Variants in STARD13 observed in about 807,000 individuals in gnomAD.
The protein encoded by STARD13 is StAR related lipid transfer domain containing 13, also known as stAR-related lipid transfer protein 13.
A neutral mutation model predicts 106.4 loss-of-function variants in STARD13; 62 were observed. That is an observed-to-expected ratio of 0.58 (90% confidence interval 0.48 to 0.72). The LOEUF (loss-of-function observed/expected upper bound fraction) is 0.72. Ranked by LOEUF, STARD13 falls within the 30% of genes least tolerant of loss-of-function variation. STARD13 has a pLI of 0.00. For missense variants in STARD13, 1,387 were observed against 1,424.0 expected (o/e 0.97, Z 0.42); for synonymous variants, 565 against 553.0 (o/e 1.02, Z -0.31).
intron 1 of STARD13, among the ~76,000 whole-genome samples, chr13:33,232,778 G>A (rs1888988326): frequency 6.6e-6 from 1 of 152,136 alleles, no homozygotes; most frequent in Admixed American, 6.5e-5. Flanking sequence ...TCACTCAAGG[G>A]AATGAAACTC....
chr13:33,336,092 C>T (rs984177854), intron 1 of STARD13: 1 of 152,198 alleles, frequency 6.6e-6, no homozygotes, highest in Non-Finnish European at 1.5e-5. Context: ...ATTACCCTTT[C>T]CCTGGATGAG....
the STARD13 span, among the ~76,000 whole-genome samples, chr13:33,453,743 A>G: frequency 6.6e-6 from 1 of 152,224 alleles, no homozygotes; most frequent in South Asian, 2.1e-4. Context: ...AAGAAGATAA[A>G]AACATTCTCC....
intron 1 of STARD13, among the ~76,000 whole-genome samples, chr13:33,302,459 A>G (rs895755061): frequency 6.6e-6 from 1 of 152,182 alleles, no homozygotes; most frequent in East Asian, 1.9e-4. Context: ...TCTGTTGCCC[A>G]GAATGGAGTG....
At chr13:33,406,535 C>A in the STARD13 span, among the ~76,000 whole-genome samples, 3 of 152,120 alleles carry the variant, frequency 2.0e-5, no homozygotes, top group African/African-American at 4.8e-5. Flanking sequence ...TTTAAGGATG[C>A]CTCGTTTAAT....
Position 33,349,251 on chromosome 13 carries a change from C to T in STARD13, c.125-35G>A, listed in dbSNP as rs80268436. On this transcript the variant is annotated intron_variant, in intron 1 of 1. Coordinates refer to the STARD13 transcript ENST00000439831. The stretch of plus-strand genomic sequence containing the variant: ...ACACAGAGGCAACAAGGTCCAGAGA[C>T]TTGCCTCAGGGTCACCTCAGGGGCC... The T allele has an allele frequency of 1.2e-3, 829 of 702,276 alleles. 1 individual carries two copies. The African/African-American group carries it at 0.012, about 10-fold the overall frequency. The allele number at this position is 702,276 out of a possible 1,614,324, so 43.5% of individuals were successfully genotyped here. A position where few individuals can be genotyped will look rare whatever the true frequency, so the allele number is the denominator to read the frequency against.
the STARD13 span, among the ~76,000 whole-genome samples, chr13:33,405,228 G>T: frequency 8.5e-5 from 13 of 152,238 alleles, no homozygotes; most frequent in Non-Finnish European, 1.9e-4. Flanking sequence ...CCTTGGGAAG[G>T]GTGAGCCAGA....
the STARD13 span, among the ~76,000 whole-genome samples, chr13:33,520,653 G>C: frequency 6.6e-6 from 1 of 151,972 alleles, no homozygotes; most frequent in Non-Finnish European, 1.5e-5. Flanking sequence ...AGCTGCTGTC[G>C]TGAGGATTTG....
At chr13:33,421,881 G>A in the STARD13 span, among the ~76,000 whole-genome samples, 114 of 152,194 alleles carry the variant, frequency 7.5e-4, 2 homozygotes, top group East Asian at 0.014. Flanking sequence ...AAAGGCCTTC[G>A]ACAAAATTCA....
chr13:33,112,001 C>T (rs1874653617), intron 9 of STARD13, 109 bp from the exon 10 acceptor site: 5 of 651,932 alleles, frequency 7.7e-6, no homozygotes, highest in Middle Eastern at 5.0e-4. Context: ...ATCCAGATCC[C>T]AGGCTTTTGC....
intron 4 of STARD13, chr13:33,138,901 C>A: frequency 4.3e-6 from 2 of 465,676 alleles, no homozygotes; most frequent in East Asian, 6.3e-5. Flanking sequence ...GGGAGGGTAG[C>A]GGTGTTGTCA....
chr13:33,592,118 A>G, the STARD13 span, among the ~76,000 whole-genome samples: 1 of 152,158 alleles, frequency 6.6e-6, no homozygotes, highest in South Asian at 2.1e-4. Context: ...TCAAAACGCA[A>G]TTAGAATTAG....
At chr13:33,428,653 A>C in the STARD13 span, among the ~76,000 whole-genome samples, 1 of 152,186 alleles carries the variant, frequency 6.6e-6, no homozygotes. Flanking sequence ...TTTATCAAAA[A>C]AACAGGCAAC....
intron 1 of STARD13, among the ~76,000 whole-genome samples, chr13:33,221,521 C>T (rs1483728217): frequency 6.6e-6 from 1 of 152,152 alleles, no homozygotes; most frequent in Non-Finnish European, 1.5e-5. Flanking sequence ...CCTCTTCCCT[C>T]TGAGTTGGGT....
At chr13:33,656,244 T>C in the STARD13 span, among the ~76,000 whole-genome samples, 1 of 152,158 alleles carries the variant, frequency 6.6e-6, no homozygotes, top group Non-Finnish European at 1.5e-5. Flanking sequence ...TTGGACATAG[T>C]AGCTTCTCAA....
At chr13:33,227,475 A>G (rs1888686925) in intron 1 of STARD13, among the ~76,000 whole-genome samples, 1 of 152,206 alleles carries the variant, frequency 6.6e-6, no homozygotes, top group African/African-American at 2.4e-5. Flanking sequence ...ATTCTTAGGG[A>G]AAAGAGACAG....
intron 1 of STARD13, among the ~76,000 whole-genome samples, chr13:33,248,368 A>C (rs1889936420): frequency 1.3e-5 from 2 of 152,226 alleles, no homozygotes. Flanking sequence ...AAAAAGGAAG[A>C]ATAAAGGAAT....
chr13:33,242,917 T>C (rs917337752), intron 1 of STARD13, among the ~76,000 whole-genome samples: 1 of 152,200 alleles, frequency 6.6e-6, no homozygotes, highest in African/African-American at 2.4e-5. Context: ...TAGTAATTCC[T>C]CTAAGTTAGC....
the STARD13 span, among the ~76,000 whole-genome samples, chr13:33,542,285 G>C: frequency 6.6e-6 from 1 of 152,168 alleles, no homozygotes; most frequent in Admixed American, 6.5e-5. Context: ...GTCCATCTTA[G>C]CACTGAGACC....
At chr13:33,218,251 T>C (rs1391835360) in intron 1 of STARD13, among the ~76,000 whole-genome samples, 2 of 152,184 alleles carry the variant, frequency 1.3e-5, no homozygotes, top group African/African-American at 4.8e-5. Context: ...TCCTTATCTA[T>C]GAGGAACATC....
Sources: allele counts gnomAD v4.1 joint callset (sites outside exome capture counted in the v4.1 genomes callset), GRCh38; gene constraint gnomAD v4.1.1; transcripts MANE v1.5; gene names NCBI Gene and HGNC (gene_info 2026-07-23, HGNC 2026-07-21).